The following DYNC1I1 variants were observed in gnomAD, a reference collection of about 807,000 sequenced individuals.
DYNC1I1 encodes the protein dynein cytoplasmic 1 intermediate chain 1, also known as cytoplasmic dynein 1 intermediate chain 1.
A neutral mutation model predicts 86.6 loss-of-function variants in DYNC1I1; 43 were observed. The ratio of observed to expected loss-of-function variants is 0.50; its 90% confidence interval spans 0.39 to 0.64. The LOEUF (loss-of-function observed/expected upper bound fraction) is 0.64. Among genes scored for constraint, DYNC1I1 ranks in the 30% least tolerant of loss-of-function variants. The pLI, the probability that DYNC1I1 is intolerant of heterozygous loss-of-function variation, is 0.00. For missense variants in DYNC1I1, 604 were observed against 788.8 expected, an observed-to-expected ratio of 0.77 and a Z score of 2.81; for synonymous variants, 262 against 283.7, an observed-to-expected ratio of 0.92 and a Z score of 0.77.
At chr7:96,066,510 A>T (rs7805771) in intron 14 of DYNC1I1, among the ~76,000 whole-genome samples, 35,850 of 152,110 alleles carry the variant, frequency 0.24, 4,427 homozygotes, top group East Asian at 0.34. Flanking sequence ...TTTTTCCCAG[A>T]ATTGTGTCTT....
intron 14 of DYNC1I1, among the ~76,000 whole-genome samples, chr7:96,042,341 A>G (rs1306062579): frequency 6.6e-6 from 1 of 152,186 alleles, no homozygotes; most frequent in Non-Finnish European, 1.5e-5. Flanking sequence ...TTATCTTTCA[A>G]TACAAAAGAA....
chr7:95,837,135 G>C (rs1789119300), intron 5 of DYNC1I1, among the ~76,000 whole-genome samples: 1 of 150,020 alleles, frequency 6.7e-6, no homozygotes, highest in Admixed American at 6.6e-5. Flanking sequence ...GTGATGTACA[G>C]ATGGGTTTTT....
At chr7:95,860,724 G>T (rs1002770099) in intron 5 of DYNC1I1, among the ~76,000 whole-genome samples, 4 of 152,102 alleles carry the variant, frequency 2.6e-5, no homozygotes, top group Admixed American at 1.3e-4. Context: ...ACAAGGTACT[G>T]GCATTTGGTG....
chr7:95,875,125 C>T (rs1298595323), intron 6 of DYNC1I1, among the ~76,000 whole-genome samples: 1 of 152,208 alleles, frequency 6.6e-6, no homozygotes, highest in African/African-American at 2.4e-5. Flanking sequence ...AGAGAAATAA[C>T]TGCCCAAGTT....
At chr7:95,849,958 CTG>C (rs1789533727) in intron 5 of DYNC1I1, among the ~76,000 whole-genome samples, 1 of 151,970 alleles carries the variant, frequency 6.6e-6, no homozygotes, top group Non-Finnish European at 1.5e-5. Context: ...TTCCTAAGTG[CTG>C]TGTTATTTTG....
chr7:96,061,714 A>T lies in DYNC1I1; in HGVS notation c.1510-14343A>T, dbSNP rs564743212. ...CCCTCCCTCTCTCTCTCTCTCTCTC[A>T]CACACACACACACACACACACGCAC... On this transcript the variant is annotated intron_variant, in intron 14 of 16. Coordinates refer to ENST00000447467, the MANE Select transcript of DYNC1I1 (RefSeq NM_001135556.2). Among the ~76,000 whole-genome samples the T allele has an allele frequency of 6.5e-3, 902 of 137,942 alleles. 1 individual carries two copies. Among genetic ancestry groups the T allele is most frequent in the East Asian group, 0.01 (49 of 4,736 alleles). 90.5% of individuals were successfully genotyped at this position (137,942 alleles called of 152,430 possible).
chr7:96,091,942 A>G (rs1276781871), intron 16 of DYNC1I1, among the ~76,000 whole-genome samples: 1 of 152,206 alleles, frequency 6.6e-6, no homozygotes, highest in Non-Finnish European at 1.5e-5. Context: ...AAAAATATGT[A>G]TGTGCATGTC....
At chr7:95,908,806 A>G (rs764240041) in intron 6 of DYNC1I1, among the ~76,000 whole-genome samples, 4 of 152,178 alleles carry the variant, frequency 2.6e-5, no homozygotes, top group Non-Finnish European at 5.9e-5. Context: ...GCAGCACTGG[A>G]AAGCTGGCAT....
chr7:96,044,205 G>C (rs1471869271), intron 14 of DYNC1I1, among the ~76,000 whole-genome samples: 2 of 152,170 alleles, frequency 1.3e-5, no homozygotes, highest in African/African-American at 2.4e-5. Context: ...CTCTATCTCT[G>C]AATATGTTTA....
At chr7:96,055,197 T>G (rs1276190323) in intron 14 of DYNC1I1, among the ~76,000 whole-genome samples, 1 of 151,986 alleles carries the variant, frequency 6.6e-6, no homozygotes, top group East Asian at 1.9e-4. Context: ...TAGCTAGTTT[T>G]CCCAACTCCA....
chr7:96,103,233 A>G (rs1007792132), downstream of DYNC1I1, among the ~76,000 whole-genome samples: 20 of 152,190 alleles, frequency 1.3e-4, no homozygotes, highest in Admixed American at 2.6e-4. Context: ...CAGGTTGTCA[A>G]TGGATTACAG....
intron 5 of DYNC1I1, among the ~76,000 whole-genome samples, chr7:95,867,888 A>G (rs1469897449): frequency 1.3e-5 from 2 of 152,218 alleles, no homozygotes; most frequent in Non-Finnish European, 2.9e-5. Flanking sequence ...ATGTCTTTTC[A>G]TGTTTTCTTC....
chr7:96,029,128 C>T (rs1328200192), intron 11 of DYNC1I1, among the ~76,000 whole-genome samples: 1 of 152,102 alleles, frequency 6.6e-6, no homozygotes, highest in Non-Finnish European at 1.5e-5. Flanking sequence ...CAAAAGCACT[C>T]TGGCATGAAA....
At chr7:95,997,583 T>TTGTGTG (rs34117329) in intron 10 of DYNC1I1, among the ~76,000 whole-genome samples, 8,570 of 142,640 alleles carry the variant, frequency 0.06, 243 homozygotes, top group South Asian at 0.068. Context: ...AAGGGCATTC[T>TTGTGTG]TGTGTGTGTG....
At chr7:95,796,057 A>G (rs919440350) in intron 1 of DYNC1I1, among the ~76,000 whole-genome samples, 7 of 151,594 alleles carry the variant, frequency 4.6e-5, no homozygotes, top group Non-Finnish European at 8.8e-5. Flanking sequence ...CCAAAAAAAA[A>G]GCAGCCTACA....
downstream of DYNC1I1, among the ~76,000 whole-genome samples, chr7:96,101,722 A>G (rs760967951): frequency 6.6e-6 from 1 of 152,162 alleles, no homozygotes; most frequent in Non-Finnish European, 1.5e-5. Flanking sequence ...TGAGTGTTCA[A>G]TTAGAATTGA....
intron 4 of DYNC1I1, among the ~76,000 whole-genome samples, chr7:95,823,789 C>G (rs1795134232): frequency 6.6e-6 from 1 of 151,518 alleles, no homozygotes; most frequent in Non-Finnish European, 1.5e-5. Flanking sequence ...AAGTTGGCAT[C>G]TAAAATATAA....
At chr7:95,971,152 G>A (rs925798644) in intron 6 of DYNC1I1, among the ~76,000 whole-genome samples, 14 of 152,168 alleles carry the variant, frequency 9.2e-5, no homozygotes, top group Admixed American at 1.3e-4. Context: ...CCACTACAGA[G>A]TCTGGAACCT....
Position 95,921,575 on chromosome 7 carries a change from T to G in DYNC1I1, c.490+51577T>G, listed in dbSNP as rs1342653696. 2.0e-5 allele frequency among the ~76,000 whole-genome samples: 3 copies of G among 152,146 alleles called. No individual in the cohort carries two copies. The East Asian group carries it at 5.8e-4, about 29-fold the overall frequency. ...TTCATCATCAAAACTCCTTGTGTGA[T>G]CTTGGGGTCTTTGAGGAGCCAGTGG... On this transcript the variant is annotated intron_variant, in intron 6 of 16. Transcript: ENST00000447467.
Sources: gnomAD v4.1 joint callset for allele counts (sites outside exome capture counted in the v4.1 genomes callset) on GRCh38, gnomAD v4.1.1 for gene constraint, MANE v1.5 for transcripts, NCBI Gene and HGNC (gene_info 2026-07-23, HGNC 2026-07-21) for gene names.